Variants in ZNF469 observed in about 807,000 individuals in gnomAD.
ZNF469 encodes the protein zinc finger protein 469.
ZNF469 carries 1 observed loss-of-function variant against 1.0 expected under a neutral mutation model. The observed-to-expected ratio is 1.00, with a 90% CI of 0.35 to 4.73. The LOEUF is 4.73. Ranked by LOEUF, ZNF469 falls within the 30% of genes most tolerant of loss-of-function variation. The pLI is 0.16. For synonymous variants in ZNF469, 2,703 were observed against 2,363.4 expected (o/e 1.14, Z -4.17); for missense variants, 6,100 against 5,356.3 (o/e 1.14, Z -4.33).
At chr16:88,357,965 T>C in the ZNF469 span, among the ~76,000 whole-genome samples, 1 of 152,196 alleles carries the variant, frequency 6.6e-6, no homozygotes, top group African/African-American at 2.4e-5. Flanking sequence ...TGGGATGGCA[T>C]TTGGCCCGAA....
chr16:88,220,629 T>G, the ZNF469 span, among the ~76,000 whole-genome samples: 1,820 of 152,240 alleles, frequency 0.012, 36 homozygotes, highest in African/African-American at 0.042. Context: ...ATCACAGTTA[T>G]GGTCCCATTT....
the ZNF469 span, among the ~76,000 whole-genome samples, chr16:88,121,043 C>G: frequency 2.0e-3 from 299 of 150,568 alleles, no homozygotes; most frequent in African/African-American, 7.1e-3. Context: ...CCGCTATGTA[C>G]TGTGCACAGT....
chr16:88,408,062 TC>T (rs1271979086), intron 1 of ZNF469, among the ~76,000 whole-genome samples: 1 of 152,238 alleles, frequency 6.6e-6, no homozygotes, highest in African/African-American at 2.4e-5. Context: ...AGCTTAGACT[TC>T]CTGTAAGCTT....
the ZNF469 span, among the ~76,000 whole-genome samples, chr16:88,182,175 G>A: frequency 6.6e-6 from 1 of 152,110 alleles, no homozygotes; most frequent in Admixed American, 6.5e-5. Context: ...CAAAATATGT[G>A]CAAAATTTGT....
the ZNF469 span, among the ~76,000 whole-genome samples, chr16:88,319,738 G>A: frequency 6.6e-6 from 1 of 152,216 alleles, no homozygotes; most frequent in East Asian, 1.9e-4. Flanking sequence ...AACAGGACAC[G>A]CTGAGTGGTC....
the ZNF469 span, among the ~76,000 whole-genome samples, chr16:88,271,557 C>G: frequency 7.8e-5 from 11 of 140,338 alleles, no homozygotes; most frequent in Non-Finnish European, 1.5e-4. Flanking sequence ...GCTGCTTGCT[C>G]CCAACAGGGT....
chr16:88,107,922 C>T, the ZNF469 span, among the ~76,000 whole-genome samples: 106 of 152,356 alleles, frequency 7.0e-4, no homozygotes, highest in Non-Finnish European at 1.3e-3. Context: ...GCCCAGGCGC[C>T]TGGTAATGGC....
At chr16:88,135,402 C>T in the ZNF469 span, among the ~76,000 whole-genome samples, 5 of 152,244 alleles carry the variant, frequency 3.3e-5, no homozygotes, top group African/African-American at 1.2e-4. Context: ...GTCAGTGACA[C>T]CGCCAGATGG....
chr16:88,307,695 T>C, the ZNF469 span, among the ~76,000 whole-genome samples: 4 of 152,230 alleles, frequency 2.6e-5, no homozygotes, highest in Non-Finnish European at 4.4e-5. Flanking sequence ...TGGATTCTTG[T>C]CTTTTTATTA....
At chr16:88,203,785 A>ATTGGAT in the ZNF469 span, among the ~76,000 whole-genome samples, 1 of 151,994 alleles carries the variant, frequency 6.6e-6, no homozygotes, top group African/African-American at 2.4e-5. Context: ...GACACTGGTC[A>ATTGGAT]TTGGATTTAG....
chr16:88,384,661 A>C (rs2092533383), intron 1 of ZNF469, among the ~76,000 whole-genome samples: 2 of 152,198 alleles, frequency 1.3e-5, no homozygotes, highest in Non-Finnish European at 2.9e-5. Context: ...GGCCTTCTCA[A>C]AGGGAACCCA....
the ZNF469 span, among the ~76,000 whole-genome samples, chr16:88,106,293 C>T: frequency 2.6e-5 from 4 of 152,200 alleles, no homozygotes; most frequent in Admixed American, 1.3e-4. Context: ...TCTCCCTGCT[C>T]GTGATTCACC....
chr16:88,246,121 C>A, the ZNF469 span, among the ~76,000 whole-genome samples: 1 of 152,278 alleles, frequency 6.6e-6, no homozygotes, highest in Non-Finnish European at 1.5e-5. Context: ...TTCATTTATT[C>A]TTTGCTCCCC....
chr16:88,376,568 G>A, the ZNF469 span, among the ~76,000 whole-genome samples: 1,237 of 152,348 alleles, frequency 8.1e-3, 19 homozygotes, highest in African/African-American at 0.029. Flanking sequence ...GGGTTCCCGC[G>A]GCCGGCCGGT....
At chr16:88,381,767 A>G (rs997638639), upstream of ZNF469, among the ~76,000 whole-genome samples, 7 of 152,264 alleles carry the variant, frequency 4.6e-5, no homozygotes, top group Non-Finnish European at 8.8e-5. Flanking sequence ...ATGTGCTGCG[A>G]TGCCAGCACA....
At chr16:88,109,826 T>G in the ZNF469 span, among the ~76,000 whole-genome samples, 5 of 152,352 alleles carry the variant, frequency 3.3e-5, no homozygotes, top group African/African-American at 1.2e-4. Context: ...CAGGAGGTGC[T>G]GAGCGTCTGT....
At chr16:88,117,294 G>C in the ZNF469 span, among the ~76,000 whole-genome samples, 2 of 152,052 alleles carry the variant, frequency 1.3e-5, no homozygotes, top group Non-Finnish European at 2.9e-5. Context: ...GGCTGGGGAT[G>C]CGTGAGAGCC....
chr16:88,247,536 GTGAA>G, the ZNF469 span, among the ~76,000 whole-genome samples: 1 of 151,378 alleles, frequency 6.6e-6, no homozygotes. Context: ...GAGTGAGTGA[GTGAA>G]TGAGTGAATG....
At chr16:88,218,678 A>C in the ZNF469 span, among the ~76,000 whole-genome samples, 21 of 150,636 alleles carry the variant, frequency 1.4e-4, no homozygotes, top group African/African-American at 4.8e-4. Context: ...ATGGGCAAAA[A>C]CTGGAAGCAT....
Sources: allele counts gnomAD v4.1 joint callset (sites outside exome capture counted in the v4.1 genomes callset), GRCh38; gene constraint gnomAD v4.1.1; transcripts MANE v1.5; gene names NCBI Gene and HGNC (gene_info 2026-07-23, HGNC 2026-07-21).